WDR19: variants seen among roughly 807,000 people sequenced by gnomAD.
The protein encoded by WDR19 is WD repeat domain 19, also known as WD repeat-containing protein 19.
Under a neutral mutation model 180.0 loss-of-function variants are expected in WDR19, and 121 were observed. That is an observed-to-expected ratio of 0.67 (90% confidence interval 0.58 to 0.78). WDR19 has a LOEUF of 0.78. WDR19 is among the 30% of genes least tolerant of loss of function. The pLI, the probability that WDR19 is intolerant of heterozygous loss-of-function variation, is 0.00. For missense variants in WDR19, 1,450 were observed against 1,640.7 expected (o/e 0.88, Z 2.01); for synonymous variants, 497 against 540.7 (o/e 0.92, Z 1.12).
At position 39,253,311 on chromosome 4, in the gene WDR19, AT is replaced by A; in HGVS notation, c.2876+24del. On this transcript the variant is annotated intron_variant, in intron 25 of 36. Transcript: ENST00000399820. ...TAGCCAGGTAACATAATACATTAATATTTTTGGACTTTCAAAAACTAACCAT... is the reference window on the plus strand; with the variant it reads ...TAGCCAGGTAACATAATACATTAATATTTTGGACTTTCAAAAACTAACCAT... 6.3e-7 allele frequency: 1 copy of A among 1,598,166 alleles called. No individual in the cohort carries two copies.
rs1318325625 is a variant in WDR19 at position 39,275,141 on chromosome 4, A to G, written c.3716+183A>G. The G allele has an allele frequency of 5.4e-6, 4 of 738,890 alleles. No individual in the cohort carries two copies. In the Admixed American group the frequency reaches 8.6e-5, roughly 16 times the overall value. 45.8% of individuals were successfully genotyped at this position (738,890 alleles called of 1,614,324 possible). A position where few individuals can be genotyped will look rare whatever the true frequency, so the allele number is the denominator to read the frequency against. ...AATCACTTGAGGTCAGTAGTTCAAG[A>G]CCAGCCTGGCCAATATGATGAAACC... is the stretch of plus-strand genomic sequence containing the variant. On this transcript the variant is annotated intron_variant, in intron 33 of 36. Transcript: ENST00000399820.
intron 5 of WDR19, among the ~76,000 whole-genome samples, chr4:39,197,908 G>A (rs952805419): frequency 1.3e-5 from 2 of 152,064 alleles, no homozygotes; most frequent in African/African-American, 4.8e-5. Context: ...GTGGGATTAC[G>A]GCGCACTGCA....
rs1737107818 is a variant in WDR19, at chr4:39,285,504, A to C, written c.*31A>C. The C allele has an allele frequency of 1.3e-5, 2 of 152,224 alleles. No homozygotes were observed. Among genetic ancestry groups the C allele is most frequent in the Admixed American group, 1.3e-4 (2 of 15,288 alleles). The allele number at this position is 152,224 out of a possible 1,614,324, so 9.4% of individuals were successfully genotyped here. A position where few individuals can be genotyped will look rare whatever the true frequency, so the allele number is the denominator to read the frequency against. On this transcript the variant is annotated 3_prime_UTR_variant, in exon 37 of 37. Coordinates refer to ENST00000399820, the MANE Select transcript of WDR19 (RefSeq NM_025132.4). ...CTTTCTAGATACAATGCTCCTGAGA[A>C]GACAGCATTTTCCACAGGAGGCTGT...
chr4:39,232,625 C>G (rs1423285808), intron 19 of WDR19, among the ~76,000 whole-genome samples: 2 of 151,640 alleles, frequency 1.3e-5, no homozygotes, highest in African/African-American at 2.4e-5. Flanking sequence ...TTGCTTGAAC[C>G]TAGGAGGCAG....
intron 9 of WDR19, among the ~76,000 whole-genome samples, chr4:39,214,381 C>T (rs1043475519): frequency 6.6e-5 from 10 of 152,056 alleles, no homozygotes; most frequent in Admixed American, 5.9e-4. Flanking sequence ...CCCATCTCTG[C>T]ACACAGTAAG....
intron 19 of WDR19, 128 bp from the exon 20 acceptor site, chr4:39,234,638 T>G: frequency 1.5e-6 from 1 of 687,720 alleles, no homozygotes; most frequent in South Asian, 1.6e-5. Context: ...ATATTATCAT[T>G]GTAAAGATCA....
intron 17 of WDR19, among the ~76,000 whole-genome samples, chr4:39,229,888 A>G (rs565414235): frequency 6.6e-6 from 1 of 152,214 alleles, no homozygotes; most frequent in African/African-American, 2.4e-5. Flanking sequence ...CCCTCACTGT[A>G]ATCACACATG....
At position 39,245,353 on chromosome 4, in the gene WDR19, G is replaced by C; in HGVS notation, c.2646-16G>C. ...AACACAGTACTCATACTGTTCTCCT[G>C]GACCTACCTTTCCAGGGCAAAAGTT... On this transcript the variant is annotated splice_polypyrimidine_tract_variant and intron_variant, in intron 23 of 36. Coordinates refer to ENST00000399820, the MANE Select transcript of WDR19 (RefSeq NM_025132.4). 6.2e-7 allele frequency: 1 copy of C among 1,609,942 alleles called. No homozygotes were observed. Among genetic ancestry groups the C allele is most frequent in the East Asian group, 2.2e-5 (1 of 44,816 alleles).
intron 14 of WDR19, among the ~76,000 whole-genome samples, chr4:39,220,511 T>C (rs2109337995): frequency 6.7e-6 from 1 of 149,440 alleles, no homozygotes; most frequent in East Asian, 1.9e-4. Context: ...ATTTTTCTTT[T>C]TTCTCTTCTT....
At chr4:39,212,804 CT>C (rs1315342085) in intron 9 of WDR19, among the ~76,000 whole-genome samples, 2 of 152,106 alleles carry the variant, frequency 1.3e-5, no homozygotes, top group Non-Finnish European at 2.9e-5. Flanking sequence ...TATGTTGATA[CT>C]TTTTTTGTTT....
intron 1 of WDR19, among the ~76,000 whole-genome samples, chr4:39,184,945 T>C (rs1308765303): frequency 2.6e-5 from 4 of 152,208 alleles, no homozygotes; most frequent in Admixed American, 2.6e-4. Context: ...AGGTAAAATT[T>C]ATTTTAATAA....
At position 39,266,049 on chromosome 4, in the gene WDR19, C is replaced by T. The variant is rs761439271; in HGVS notation, c.3184-14C>T. 56 of 1,551,824 alleles carry T rather than the reference C, an allele frequency of 3.6e-5. No homozygotes were observed. The highest frequency in any genetic ancestry group is 4.5e-5 in the Non-Finnish European group (52 of 1,146,998). On this transcript the variant is annotated splice_polypyrimidine_tract_variant and intron_variant, in intron 28 of 36. Coordinates refer to ENST00000399820, the MANE Select transcript of WDR19 (RefSeq NM_025132.4). ...GATGCTGAATTTGCTGGGTTTTTCT[C>T]TCTTATTAAACAGGTTGGTCAGGCC...
rs756899296 is a variant in WDR19 at position 39,186,528 on chromosome 4, A to C, written c.99-11A>C. The C allele has an allele frequency of 3.2e-5, 34 of 1,052,816 alleles. No homozygotes were observed. In the Admixed American group the frequency reaches 4.0e-4, roughly 12 times the overall value. The allele number at this position is 1,052,816 out of a possible 1,614,324, so 65.2% of individuals were successfully genotyped here. A position where few individuals can be genotyped will look rare whatever the true frequency, so the allele number is the denominator to read the frequency against. ...AAGTAAATCATATCTTTATGTTCTG[A>C]TTGCTTTCAGAGCTGATTATATTGT... On this transcript the variant is annotated splice_polypyrimidine_tract_variant and intron_variant, in intron 2 of 36. Transcript: ENST00000399820.
chr4:39,274,419 G>T (rs1177921529), intron 32 of WDR19: 2 of 170,958 alleles, frequency 1.2e-5, no homozygotes, highest in Non-Finnish European at 2.5e-5. Context: ...CTGGGTGTCT[G>T]TCCTGAAGAA....
At chr4:39,185,551 G>A (rs1577818801) in intron 1 of WDR19, among the ~76,000 whole-genome samples, 175 bp from the exon 2 acceptor site, 1 of 152,100 alleles carries the variant, frequency 6.6e-6, no homozygotes, top group African/African-American at 2.4e-5. Flanking sequence ...TGTTTAGTTG[G>A]TTGGTTGATT....
chr4:39,214,772 A>AT lies in WDR19; in HGVS notation c.961+101_961+102insT, dbSNP rs1325049787. ...GATTTGCATTCGTTGTAGGAGGAAT[A>AT]ATTTTTTTTTTTTTTTTTGAGATGG... On this transcript the variant is annotated intron_variant, in intron 10 of 36. Coordinates refer to ENST00000399820, the MANE Select transcript of WDR19 (RefSeq NM_025132.4). 2.8e-4 allele frequency: 196 copies of AT among 695,920 alleles called. 1 individual carries two copies. Among genetic ancestry groups the AT allele is most frequent in the Non-Finnish European group, 3.1e-4 (132 of 420,776 alleles). 43.1% of individuals were successfully genotyped at this position (695,920 alleles called of 1,614,324 possible).
rs758874018 is a variant in WDR19, at chr4:39,273,057, A to G, written c.3561A>G (p.Pro1187=). ...TGGCCAACAACATCAGCAAATTTCC[A>G]TCACGTAAGTACCACTGACCAGAGC... The part of the protein sequence containing the change: ...IRVANNISKF[P]SHIVPILTST... Residue 1187 remains proline, a synonymous_variant, in exon 32 of 37, where the codon CCA becomes CCG. Coordinates refer to ENST00000399820, the MANE Select transcript of WDR19 (RefSeq NM_025132.4). The G allele has an allele frequency of 9.4e-6, 15 of 1,601,912 alleles. No homozygotes were observed. The highest frequency in any genetic ancestry group is 2.7e-5 in the African/African-American group (2 of 74,758).
chr4:39,266,412 T>A (rs1734802587), intron 29 of WDR19, among the ~76,000 whole-genome samples: 1 of 152,194 alleles, frequency 6.6e-6, no homozygotes, highest in South Asian at 2.1e-4. Flanking sequence ...TCATAATGTT[T>A]TAAGAAAGTT....
At chr4:39,222,951 A>C (rs896435642) in intron 14 of WDR19, among the ~76,000 whole-genome samples, 5 of 152,216 alleles carry the variant, frequency 3.3e-5, no homozygotes, top group Non-Finnish European at 4.4e-5. Context: ...ATAATGTGTA[A>C]ATGGAATCAA....
Sources: allele counts gnomAD v4.1 joint callset (sites outside exome capture counted in the v4.1 genomes callset), GRCh38; gene constraint gnomAD v4.1.1; transcripts MANE v1.5; gene names NCBI Gene and HGNC (gene_info 2026-07-23, HGNC 2026-07-21).